NTRK3: variants seen among roughly 807,000 people sequenced by gnomAD.
The protein encoded by NTRK3 is neurotrophic receptor tyrosine kinase 3, also known as NT-3 growth factor receptor.
A neutral mutation model predicts 91.7 loss-of-function variants in NTRK3; 24 were observed. That is an observed-to-expected ratio of 0.26 (90% confidence interval 0.19 to 0.37). The LOEUF is 0.37. Ranked by LOEUF, NTRK3 falls within the 10% of genes least tolerant of loss-of-function variation. The pLI is 1.00. For synonymous variants in NTRK3, 483 were observed against 404.0 expected (o/e 1.20, Z -2.34); for missense variants, 880 against 1,068.9 (o/e 0.82, Z 2.46).
chr15:88,220,094 A>G (rs1263523284), intron 3 of NTRK3, among the ~76,000 whole-genome samples: 1 of 152,242 alleles, frequency 6.6e-6, no homozygotes, highest in East Asian at 1.9e-4. Flanking sequence ...AGAAGGCATA[A>G]TCAGCAGACT....
At chr15:88,224,310 C>G (rs778549286) in intron 3 of NTRK3, among the ~76,000 whole-genome samples, 1 of 152,200 alleles carries the variant, frequency 6.6e-6, no homozygotes, top group African/African-American at 2.4e-5. Flanking sequence ...GAACAGTTGG[C>G]CTGCAGAGTC....
At chr15:88,035,189 G>A (rs1458831897) in intron 13 of NTRK3, among the ~76,000 whole-genome samples, 2 of 152,198 alleles carry the variant, frequency 1.3e-5, no homozygotes, top group Non-Finnish European at 2.9e-5. Context: ...GGGAATATTT[G>A]CAGGCAGCCA....
intron 15 of NTRK3, among the ~76,000 whole-genome samples, chr15:87,937,810 C>T (rs947554184): frequency 2.0e-5 from 3 of 151,820 alleles, no homozygotes; most frequent in Non-Finnish European, 4.4e-5. Context: ...AATTAAGAAC[C>T]GATTAGATAT....
At chr15:88,070,472 G>A (rs2047005051) in intron 13 of NTRK3, among the ~76,000 whole-genome samples, 1 of 152,144 alleles carries the variant, frequency 6.6e-6, no homozygotes, top group African/African-American at 2.4e-5. Context: ...GAAAGGAGCA[G>A]AGAAACATGA....
At position 88,204,290 on chromosome 15, in the gene NTRK3, C is replaced by T. The variant is rs561226177; in HGVS notation, c.249-19991G>A. On this transcript the variant is annotated intron_variant, in intron 3 of 18. Transcript: ENST00000394480. ...CTCTCGCCAGTCTTGGGATTTCTCT[C>T]CTTCTGGCATACTCTCTCCCCTATT... 1.3e-4 allele frequency among the ~76,000 whole-genome samples: 20 copies of T among 152,284 alleles called. 1 individual carries two copies. The South Asian group carries it at 4.1e-3, about 32-fold the overall frequency.
chr15:88,073,119 G>T (rs186367243), intron 13 of NTRK3, among the ~76,000 whole-genome samples: 12 of 152,234 alleles, frequency 7.9e-5, no homozygotes, highest in African/African-American at 2.6e-4. Context: ...AGACACCTGC[G>T]GTTCTCAAAG....
chr15:88,035,664 G>C (rs1193032952), intron 13 of NTRK3, among the ~76,000 whole-genome samples: 1 of 152,108 alleles, frequency 6.6e-6, no homozygotes, highest in Non-Finnish European at 1.5e-5. Flanking sequence ...AAGCAGTCAA[G>C]ATCACCAGGC....
intron 15 of NTRK3, among the ~76,000 whole-genome samples, chr15:87,939,602 G>A (rs1490122732): frequency 6.6e-6 from 1 of 152,170 alleles, no homozygotes; most frequent in African/African-American, 2.4e-5. Flanking sequence ...CTGCATTTGT[G>A]ATCCCTCAAT....
At chr15:87,878,369 AG>A (rs760585577) in intron 18 of NTRK3, among the ~76,000 whole-genome samples, 38 of 152,108 alleles carry the variant, frequency 2.5e-4, no homozygotes, top group South Asian at 1.2e-3. Context: ...TGACTTTGGG[AG>A]GGCTGGTCAA....
chr15:88,125,260 T>C (rs920697839), intron 13 of NTRK3, among the ~76,000 whole-genome samples: 4 of 152,220 alleles, frequency 2.6e-5, no homozygotes, highest in African/African-American at 9.6e-5. Context: ...ACTCCAACAT[T>C]TGCATACAAC....
chr15:88,243,630 C>CT lies in NTRK3; in HGVS notation c.248+12275dup, dbSNP rs1338790547. On this transcript the variant is annotated intron_variant, in intron 3 of 18. Transcript: ENST00000394480. This position sits in a 1 kb window ranked among gnomAD's most constrained non-coding sequence, Gnocchi z 4.8. The stretch of plus-strand genomic sequence containing the variant: ...ACACTCAAATTTAAGCTAAAAGAGG[C>CT]TTTTTTGTCAACCAGACCAACCCCT... Among the ~76,000 whole-genome samples, 1 of 151,932 alleles carries CT rather than the reference C, an allele frequency of 6.6e-6. No homozygotes were observed. The highest frequency in any genetic ancestry group is 1.5e-5 in the Non-Finnish European group (1 of 68,022).
chr15:87,944,628 C>T (rs961289829), intron 14 of NTRK3, among the ~76,000 whole-genome samples: 2 of 152,190 alleles, frequency 1.3e-5, no homozygotes, highest in Non-Finnish European at 2.9e-5. Context: ...GCTTTACGGC[C>T]ACTAAAATGA....
intron 17 of NTRK3, among the ~76,000 whole-genome samples, chr15:87,886,711 C>CACATATAT (rs2065572787): frequency 3.3e-4 from 29 of 88,486 alleles, no homozygotes; most frequent in African/African-American, 1.3e-3. Flanking sequence ...CATATATACA[C>CACATATAT]ACACACACAT....
chr15:87,869,745 G>A (rs189503043), exon 19 of NTRK3: 3 of 201,214 alleles, frequency 1.5e-5, no homozygotes, highest in East Asian at 7.7e-5. Flanking sequence ...CCTGGACCAC[G>A]TTTATTTATT....
intron 14 of NTRK3, among the ~76,000 whole-genome samples, chr15:88,022,011 T>C (rs2077631216): frequency 6.6e-6 from 1 of 152,148 alleles, no homozygotes; most frequent in African/African-American, 2.4e-5. Flanking sequence ...ACATGGGAAG[T>C]AACCCTAAGC....
At chr15:87,992,650 C>T (rs890608393) in intron 14 of NTRK3, among the ~76,000 whole-genome samples, 2 of 152,230 alleles carry the variant, frequency 1.3e-5, no homozygotes, top group African/African-American at 4.8e-5. Flanking sequence ...CTAATCTGAC[C>T]TTCTCAGCAT....
At chr15:87,994,588 G>A (rs2075547184) in intron 14 of NTRK3, among the ~76,000 whole-genome samples, 1 of 152,118 alleles carries the variant, frequency 6.6e-6, no homozygotes, top group African/African-American at 2.4e-5. Flanking sequence ...TGGATTTCGG[G>A]CCTCCAGAAC....
At chr15:87,982,981 CCTT>C (rs1294814517) in intron 14 of NTRK3, among the ~76,000 whole-genome samples, 1 of 152,204 alleles carries the variant, frequency 6.6e-6, no homozygotes, top group Non-Finnish European at 1.5e-5. Context: ...ACAGACCTCT[CCTT>C]CTCCTTCTGT....
intron 14 of NTRK3, among the ~76,000 whole-genome samples, chr15:88,004,826 G>A (rs1341984246): frequency 6.6e-6 from 1 of 152,142 alleles, no homozygotes; most frequent in African/African-American, 2.4e-5. Flanking sequence ...CTAGGGGAAG[G>A]ATTGGCTCAA....
Sources: gnomAD v4.1 joint callset for allele counts (sites outside exome capture counted in the v4.1 genomes callset) on GRCh38, gnomAD v4.1.1 for gene constraint, Gnocchi (gnomAD v3.1) non-coding constraint, MANE v1.5 for transcripts, NCBI Gene and HGNC (gene_info 2026-07-23, HGNC 2026-07-21) for gene names.